CCN6: variants seen among roughly 807,000 people sequenced by gnomAD.
CCN6 encodes CCN family member 6.
A neutral mutation model predicts 37.4 loss-of-function variants in CCN6; 31 were observed. The ratio of observed to expected loss-of-function variants is 0.83; its 90% CI spans 0.62 to 1.12. CCN6 has a LOEUF of 1.12. Ranked by LOEUF, CCN6 falls within the 50% of genes most tolerant of loss-of-function variation. The probability of loss-of-function intolerance (pLI) is 0.00; values close to 1 mark genes in which losing one functional copy is unlikely to be tolerated. For missense variants in CCN6, 369 were observed against 413.8 expected (o/e 0.89, Z 0.94); for synonymous variants, 137 against 142.1 (o/e 0.96, Z 0.26).
chr6:112,055,820 C>T (rs1562592847), intron 1 of CCN6, among the ~76,000 whole-genome samples: 1 of 152,178 alleles, frequency 6.6e-6, no homozygotes, highest in Admixed American at 6.5e-5. Context: ...GAACTCCTGA[C>T]CTCAAGTGAT....
chr6:112,064,943 T>G lies in CCN6; in HGVS notation c.535T>G (p.Cys179Gly), dbSNP rs782783177. ...KGGKKSDQSN[C>G]SLEPLLQQLS... The stretch of plus-strand genomic sequence containing the variant: ...TGGAAAGAAGTCTGATCAGTCAAAC[T>G]GTAGCCTGGAACCATTACTACAGCA... Residue 179 changes from cysteine to glycine, a missense_variant, in exon 3 of 5, where the codon TGT becomes GGT. Transcript: ENST00000368666. 16 of 1,614,064 alleles carry G rather than the reference T, an allele frequency of 9.9e-6. No individual in the cohort carries two copies. Among genetic ancestry groups the G allele is most frequent in the Non-Finnish European group, 1.4e-5 (16 of 1,179,928 alleles).
chr6:112,063,895 T>C (rs141052647), intron 2 of CCN6, among the ~76,000 whole-genome samples: 97 of 152,344 alleles, frequency 6.4e-4, no homozygotes, highest in African/African-American at 2.3e-3. Flanking sequence ...CACTAAAATA[T>C]TCTATGTATA....
rs906234902 is a variant in CCN6, at chr6:112,054,105, T to A, written c.-253T>A. The A allele has an allele frequency of 6.1e-6, 4 of 656,796 alleles. No homozygotes were observed. In the African/African-American group the frequency reaches 7.1e-5, roughly 12 times the overall value. The allele number at this position is 656,796 out of a possible 1,614,324, so 40.7% of individuals were successfully genotyped here. On this transcript the variant is annotated 5_prime_UTR_variant, in exon 1 of 5. Coordinates refer to ENST00000368666, the MANE Select transcript of CCN6 (RefSeq NM_198239.2). ...GTCCCGGGAGGAAAGTGCTCGCCCA[T>A]TCCTGACCTGTGACACGCTCACTGC...
intron 2 of CCN6, among the ~76,000 whole-genome samples, chr6:112,062,848 C>A (rs781985485): frequency 1.3e-5 from 2 of 152,132 alleles, no homozygotes; most frequent in South Asian, 4.1e-4. Flanking sequence ...GATCTGCGGA[C>A]CCCTTTACAG....
chr6:112,065,062 G>A lies in CCN6; in HGVS notation c.589+65G>A, dbSNP rs144502892. ...TGGTATTCCTTCATGTTCCTTTTAC[G>A]TATCATAGGTACTCAGTAAGTACTT... On this transcript the variant is annotated intron_variant, in intron 3 of 4. Coordinates refer to ENST00000368666, the MANE Select transcript of CCN6 (RefSeq NM_198239.2). 5.5e-3 allele frequency: 8,794 copies of A among 1,606,976 alleles called. 52 individuals are homozygous for A. The highest frequency in any genetic ancestry group is 6.6e-3 in the South Asian group (601 of 90,598).
At chr6:112,059,751 G>T (rs1554312404) in intron 1 of CCN6, among the ~76,000 whole-genome samples, 1 of 152,224 alleles carries the variant, frequency 6.6e-6, no homozygotes, top group Non-Finnish European at 1.5e-5. Flanking sequence ...TTGCTATGAA[G>T]TTTGATTGAA....
chr6:112,061,337 AT>A lies in CCN6; in HGVS notation c.346+58del, dbSNP rs782025803. The A allele has an allele frequency of 5.0e-5, 80 of 1,609,162 alleles. 1 individual carries two copies. The highest frequency in any genetic ancestry group is 2.1e-4 in the South Asian group (19 of 90,890). On this transcript the variant is annotated intron_variant, in intron 2 of 4. Coordinates refer to ENST00000368666, the MANE Select transcript of CCN6 (RefSeq NM_198239.2). ...CTGGAAAAGATTGAGTCTAGACAGAATTTTTTTTTCCTGCAATTGTTAGCTT... is the reference window on the plus strand; with the variant it reads ...CTGGAAAAGATTGAGTCTAGACAGAATTTTTTTTCCTGCAATTGTTAGCTT...
rs782096351 is a variant in CCN6, at chr6:112,060,981, T to C, written c.49-10T>C. The C allele has an allele frequency of 1.2e-6, 2 of 1,613,912 alleles. No homozygotes were observed. The highest frequency in any genetic ancestry group is 1.7e-4 in the Middle Eastern group (1 of 5,902). ...GCTATTTCTAACATCACCTTTATTA[T>C]CAAATGAAGTTCTGCTGCAGGGTAC... On this transcript the variant is annotated splice_polypyrimidine_tract_variant and intron_variant, in intron 1 of 4. Transcript: ENST00000368666.
Position 112,054,530 on chromosome 6 carries a change from A to G in CCN6, c.48+125A>G, listed in dbSNP as rs587632663. On this transcript the variant is annotated intron_variant, in intron 1 of 4. Transcript: ENST00000368666. ...GATCAATGGCTTGTGGAACTACTTC[A>G]TGAGAAATAGGAAGCCATTTTTCTT... is the stretch of plus-strand genomic sequence containing the variant. 4 of 892,182 alleles carry G rather than the reference A, an allele frequency of 4.5e-6. No individual in the cohort carries two copies. In the South Asian group the frequency reaches 5.4e-5, roughly 12 times the overall value. The allele number at this position is 892,182 out of a possible 1,614,324, so 55.3% of individuals were successfully genotyped here.
At chr6:112,064,508 G>C (rs781883430) in intron 2 of CCN6, among the ~76,000 whole-genome samples, 9 of 152,158 alleles carry the variant, frequency 5.9e-5, no homozygotes, top group Non-Finnish European at 1.2e-4. Context: ...TGATTTTACA[G>C]GGTCTTTACT....
chr6:112,059,512 T>G (rs1401643859), intron 1 of CCN6, among the ~76,000 whole-genome samples: 1 of 152,168 alleles, frequency 6.6e-6, no homozygotes, highest in Non-Finnish European at 1.5e-5. Context: ...ACATCTTCTC[T>G]GACATGCCTG....
chr6:112,055,969 A>T (rs1203526430), intron 1 of CCN6, among the ~76,000 whole-genome samples: 1 of 152,194 alleles, frequency 6.6e-6, no homozygotes, highest in Non-Finnish European at 1.5e-5. Flanking sequence ...TACAGAGGAG[A>T]TCAAATGATG....
intron 1 of CCN6, chr6:112,060,226 T>A: frequency 8.7e-7 from 1 of 1,153,944 alleles, no homozygotes; most frequent in South Asian, 1.4e-5. Flanking sequence ...TGATATGAAC[T>A]GGCTTATTTT....
At chr6:112,067,542 C>T (rs781948954) in intron 3 of CCN6, among the ~76,000 whole-genome samples, 8 of 152,034 alleles carry the variant, frequency 5.3e-5, no homozygotes, top group African/African-American at 1.7e-4. Flanking sequence ...ATATGTAATT[C>T]GAAATCTTAG....
chr6:112,055,559 G>A (rs1776322669), intron 1 of CCN6, among the ~76,000 whole-genome samples: 1 of 152,114 alleles, frequency 6.6e-6, no homozygotes. Context: ...GCTGCTATAT[G>A]CCAAATACTG....
chr6:112,068,204 G>C lies in CCN6; in HGVS notation c.590-1G>C, dbSNP rs140366226. 7.5e-6 allele frequency: 12 copies of C among 1,608,658 alleles called. No individual in the cohort carries two copies. Among genetic ancestry groups the C allele is most frequent in the South Asian group, 1.1e-5 (1 of 89,856 alleles). On this transcript the variant is annotated splice_acceptor_variant, in intron 3 of 4. Coordinates refer to ENST00000368666, the MANE Select transcript of CCN6 (RefSeq NM_198239.2). LOFTEE classifies it high-confidence loss of function. ...TATGTACTTTTCTCCCTTTGTTTTA[G>C]CTTATAGAAATCTCCCACTTATTTG...
At chr6:112,065,776 A>G (rs1776680008) in intron 3 of CCN6, among the ~76,000 whole-genome samples, 1 of 152,228 alleles carries the variant, frequency 6.6e-6, no homozygotes, top group Non-Finnish European at 1.5e-5. Flanking sequence ...AAGTATACTT[A>G]TAAACCTTGT....
At chr6:112,065,601 AACAC>A (rs1290841311) in intron 3 of CCN6, among the ~76,000 whole-genome samples, 2 of 144,104 alleles carry the variant, frequency 1.4e-5, no homozygotes, top group Admixed American at 7.0e-5. Context: ...CACACACACA[AACAC>A]ACACGCACAC....
At chr6:112,061,682 G>A (rs1776528029) in intron 2 of CCN6, among the ~76,000 whole-genome samples, 1 of 152,136 alleles carries the variant, frequency 6.6e-6, no homozygotes, top group African/African-American at 2.4e-5. Context: ...ATACTAGAAT[G>A]TATACCCAGT....
Sources: allele counts gnomAD v4.1 joint callset (sites outside exome capture counted in the v4.1 genomes callset), GRCh38; gene constraint gnomAD v4.1.1; transcripts MANE v1.5; gene names NCBI Gene and HGNC (gene_info 2026-07-23, HGNC 2026-07-21).